PDCD6IP: variants seen among roughly 807,000 people sequenced by gnomAD.
PDCD6IP encodes the protein programmed cell death 6 interacting protein.
PDCD6IP carries 43 observed loss-of-function variants against 103.7 expected under a neutral mutation model. The ratio of observed to expected loss-of-function variants is 0.41; its 90% CI spans 0.32 to 0.53. The LOEUF (loss-of-function observed/expected upper bound fraction) is 0.53, where lower values mean the gene tolerates loss of function less well. PDCD6IP is among the 20% of genes least tolerant of loss of function. The probability of loss-of-function intolerance (pLI) is 0.16; values close to 1 mark genes in which losing one functional copy is unlikely to be tolerated. For missense variants in PDCD6IP, 871 were observed against 1,036.7 expected (o/e 0.84, Z 2.20); for synonymous variants, 354 against 378.7 (o/e 0.93, Z 0.76).
At chr3:33,855,468 G>A (rs980761939) in intron 15 of PDCD6IP, 2 of 419,284 alleles carry the variant, frequency 4.8e-6, no homozygotes, top group Non-Finnish European at 8.7e-6. Flanking sequence ...AACTCTAGAT[G>A]CAGGAAGTAC....
At chr3:33,821,851 G>A in intron 3 of PDCD6IP, 104 bp from the exon 4 acceptor site, 2 of 1,101,148 alleles carry the variant, frequency 1.8e-6, no homozygotes, top group Non-Finnish European at 2.6e-6. Flanking sequence ...ACTTGTTTTT[G>A]TGAGAGTCAG....
intron 15 of PDCD6IP, among the ~76,000 whole-genome samples, chr3:33,856,975 A>C (rs912153939): frequency 2.2e-4 from 33 of 152,110 alleles, no homozygotes; most frequent in Non-Finnish European, 4.1e-4. Context: ...CTTTCAGCCA[A>C]CTAGATCTTT....
intron 11 of PDCD6IP, among the ~76,000 whole-genome samples, chr3:33,845,174 G>A (rs1180190356): frequency 6.6e-6 from 1 of 151,914 alleles, no homozygotes; most frequent in African/African-American, 2.4e-5. Flanking sequence ...CTTTTATTTG[G>A]CAGATAGTAA....
intron 16 of PDCD6IP, among the ~76,000 whole-genome samples, chr3:33,864,379 TAAG>T (rs1400422705): frequency 4.6e-5 from 7 of 152,152 alleles, no homozygotes; most frequent in African/African-American, 1.4e-4. Flanking sequence ...AATGATAAAA[TAAG>T]AAGTTAAATT....
intron 3 of PDCD6IP, among the ~76,000 whole-genome samples, chr3:33,815,192 T>G (rs1696820771): frequency 6.6e-6 from 1 of 150,760 alleles, no homozygotes. Context: ...ATAATGTTAA[T>G]TTAATAATAA....
At chr3:33,842,595 T>C (rs1230664605) in intron 10 of PDCD6IP, among the ~76,000 whole-genome samples, 1 of 152,014 alleles carries the variant, frequency 6.6e-6, no homozygotes, top group Non-Finnish European at 1.5e-5. Context: ...TGGTGGCTTG[T>C]TTTCTCTTGT....
intron 6 of PDCD6IP, chr3:33,828,589 G>C (rs144510749): frequency 4.1e-6 from 1 of 243,166 alleles, no homozygotes; most frequent in Non-Finnish European, 8.0e-6. Flanking sequence ...CAATTAAAGA[G>C]AATTGTAAAA....
chr3:33,854,089 T>C, intron 14 of PDCD6IP, 76 bp downstream of exon 14: 1 of 1,459,074 alleles, frequency 6.9e-7, no homozygotes, highest in Non-Finnish European at 9.1e-7. Flanking sequence ...TAAGTGGTAT[T>C]TCCAGTTGAA....
chr3:33,820,621 TTACTC>T (rs1252970094), intron 3 of PDCD6IP, among the ~76,000 whole-genome samples: 3 of 152,200 alleles, frequency 2.0e-5, no homozygotes, highest in African/African-American at 7.2e-5. Context: ...ATGAATTTGA[TTACTC>T]TAGGTAACTC....
chr3:33,805,939 G>A (rs1696587486), intron 1 of PDCD6IP, among the ~76,000 whole-genome samples: 1 of 151,608 alleles, frequency 6.6e-6, no homozygotes, highest in African/African-American at 2.4e-5. Flanking sequence ...TAGAGACGGG[G>A]TTTCACCGTG....
chr3:33,845,628 G>A (rs1575934586), intron 12 of PDCD6IP, 40 bp downstream of exon 12: 1 of 1,478,770 alleles, frequency 6.8e-7, no homozygotes, highest in African/African-American at 1.4e-5. Flanking sequence ...ATCTGCTTAA[G>A]AAAACCACAT....
chr3:33,852,576 A>G lies in PDCD6IP; in HGVS notation c.1730A>G (p.Asn577Ser), dbSNP rs1697741532. 3 of 1,591,810 alleles carry G rather than the reference A, an allele frequency of 1.9e-6. No homozygotes were observed. The East Asian group carries it at 6.7e-5, about 36-fold the overall frequency. Reference protein sequence around the residue: ...EGLENDLKSVNFDMTSKFLTA... With the variant: ...EGLENDLKSVSFDMTSKFLTA... The stretch of plus-strand genomic sequence containing the variant: ...CTGGAGAATGACTTGAAATCTGTGA[A>G]TTTTGACATGACAAGCAAGTTTTTG... Residue 577 changes from asparagine to serine, a missense_variant, in exon 13 of 18, where the codon AAT (asparagine) becomes AGT (serine). Coordinates refer to ENST00000307296, the MANE Select transcript of PDCD6IP (RefSeq NM_013374.6).
chr3:33,836,144 A>G lies in PDCD6IP; in HGVS notation c.935A>G (p.Lys312Arg), dbSNP rs1490677829. Residue 312 changes from lysine to arginine, a missense_variant, in exon 8 of 18, where the codon AAG (lysine) becomes AGG (arginine). By Grantham distance (26) the Lys-to-Arg change is conservative (BLOSUM62 2). Transcript: ENST00000307296. ...DKINRALAAA[K>R]KDNDFIYHDR... Reference sequence around the variant, plus strand: ...ATCAATCGTGCCCTTGCTGCAGCAAAGAAGGATAATGACTTCATTTATCAT... The same window carrying G: ...ATCAATCGTGCCCTTGCTGCAGCAAGGAAGGATAATGACTTCATTTATCAT... 13 of 1,610,914 alleles carry G rather than the reference A, an allele frequency of 8.1e-6. No individual in the cohort carries two copies. The highest frequency in any genetic ancestry group is 1.7e-5 in the Admixed American group (1 of 60,022).
chr3:33,824,255 CTTT>C (rs398062226), intron 4 of PDCD6IP, among the ~76,000 whole-genome samples: 40 of 146,116 alleles, frequency 2.7e-4, no homozygotes, highest in Admixed American at 5.4e-4. Context: ...CTCATGACAC[CTTT>C]TTTTTTTTTT....
In PDCD6IP at chr3:33,798,850, G is replaced by T; in HGVS notation, c.122G>T (p.Arg41Leu). Residue 41 changes from arginine to leucine, a missense_variant, in exon 1 of 18, where the codon CGC becomes CTC. By Grantham distance (102) the Arg-to-Leu change is moderately radical. Transcript: ENST00000307296. ...GGGGAAGAGCAGGCCCAGTACTGCC[G>T]CGCGGCGGAGGAGCTCAGCAAGCTG... ...SGGEEQAQYC[R>L]AAEELSKLRR... 3 of 1,554,204 alleles carry T rather than the reference G, an allele frequency of 1.9e-6. No individual in the cohort carries two copies. The highest frequency in any genetic ancestry group is 2.6e-6 in the Non-Finnish European group (3 of 1,148,702).
At chr3:33,839,137 C>T (rs961265121) in intron 9 of PDCD6IP, among the ~76,000 whole-genome samples, 5 of 152,210 alleles carry the variant, frequency 3.3e-5, no homozygotes, top group African/African-American at 1.2e-4. Flanking sequence ...TGTATGTACC[C>T]ATGTAACCGG....
chr3:33,847,372 C>T (rs1025384970), intron 12 of PDCD6IP, among the ~76,000 whole-genome samples: 1 of 152,152 alleles, frequency 6.6e-6, no homozygotes, highest in East Asian at 1.9e-4. Flanking sequence ...CTTTTATAGT[C>T]AATACGAAGT....
intron 4 of PDCD6IP, among the ~76,000 whole-genome samples, chr3:33,823,369 A>G (rs1229160707): frequency 6.6e-6 from 1 of 152,262 alleles, no homozygotes; most frequent in Non-Finnish European, 1.5e-5. Context: ...AAAGGAAAAT[A>G]TACCGTAAGC....
intron 8 of PDCD6IP, 103 bp from the exon 9 acceptor site, chr3:33,838,101 A>G (rs544963395): frequency 9.9e-7 from 1 of 1,005,690 alleles, no homozygotes; most frequent in African/African-American, 1.7e-5. Flanking sequence ...GACAATAAAT[A>G]TTTATAGACT....
Sources: allele counts gnomAD v4.1 joint callset (sites outside exome capture counted in the v4.1 genomes callset), GRCh38; gene constraint gnomAD v4.1.1; transcripts MANE v1.5; gene names NCBI Gene and HGNC (gene_info 2026-07-23, HGNC 2026-07-21).